The following WDR3 variants were observed in gnomAD, a reference collection of about 807,000 sequenced individuals.
WDR3 encodes the protein WD repeat domain 3, also known as WD repeat-containing protein 3.
In WDR3, 81 loss-of-function variants were observed where a neutral mutation model predicts 123.7. The ratio of observed to expected loss-of-function variants is 0.65; its 90% CI spans 0.55 to 0.79. The LOEUF is 0.79. Ranked by LOEUF, WDR3 falls within the 30% of genes least tolerant of loss-of-function variation. The pLI is 0.00. For synonymous variants in WDR3, 390 were observed against 388.8 expected (o/e 1.00, Z -0.04); for missense variants, 1,027 against 1,123.2 (o/e 0.91, Z 1.22).
Position 117,954,050 on chromosome 1 carries a change from C to T in WDR3, c.2312C>T (p.Thr771Ile), listed in dbSNP as rs1435463254. The T allele has an allele frequency of 1.2e-6, 2 of 1,612,036 alleles. No homozygotes were observed. The highest frequency in any genetic ancestry group is 2.2e-5 in the South Asian group (2 of 90,944). Reference sequence around the variant, plus strand: ...GCTATTGAGTTGTACCGAGAAGAAACTGCAAAAATGAAGGAACACAAAGCC... The same window carrying T: ...GCTATTGAGTTGTACCGAGAAGAAATTGCAAAAATGAAGGAACACAAAGCC... ...MEAIELYREETAKMKEHKAIC... is the reference protein window; with the variant it reads ...MEAIELYREEIAKMKEHKAIC... Residue 771 changes from threonine (T) to isoleucine (I), a missense_variant, in exon 22 of 27, where the codon ACT becomes ATT. Physicochemically the swap from Thr to Ile is moderately conservative, Grantham distance 89. Transcript: ENST00000349139.
In WDR3 at chr1:117,965,891, C is replaced by CCAAT; in HGVS notation, c.*6447_*6450dup. The CCAAT allele has an allele frequency of 6.6e-6, 1 of 152,312 alleles. No individual in the cohort carries two copies. Among genetic ancestry groups the CCAAT allele is most frequent in the East Asian group, 1.9e-4 (1 of 5,188 alleles). The allele number at this position is 152,312 out of a possible 1,614,324, so 9.4% of individuals were successfully genotyped here. ...AGCTTTTGGCAAGTTGAACTCCCTG[C>CCAAT]CAATCATCCCAAACACCTGGAGCTT... On this transcript the variant is annotated 3_prime_UTR_variant, in exon 27 of 27. Coordinates refer to ENST00000349139, the MANE Select transcript of WDR3 (RefSeq NM_006784.3).
chr1:117,939,421 A>G lies in WDR3; in HGVS notation c.580-56A>G, dbSNP rs776233953. The G allele has an allele frequency of 3.2e-6, 5 of 1,563,628 alleles. No individual in the cohort carries two copies. In the South Asian group the frequency reaches 5.6e-5, roughly 17 times the overall value. On this transcript the variant is annotated intron_variant, in intron 5 of 26. Coordinates refer to ENST00000349139, the MANE Select transcript of WDR3 (RefSeq NM_006784.3). ...TAACAGACTTTTGGAATGTCATATT[A>G]TGCTACCTGGAATCTCTTGAAAATC...
At chr1:117,954,162 T>C (rs556787707) in intron 22 of WDR3, 63 bp downstream of exon 22, 24 of 1,400,604 alleles carry the variant, frequency 1.7e-5, no homozygotes, top group Non-Finnish European at 2.4e-5. Flanking sequence ...GAAAAACCAT[T>C]GTTTTGGGAT....
chr1:117,948,479 G>A lies in WDR3; in HGVS notation c.1497G>A (p.Leu499=), dbSNP rs34411361. Residue 499 remains leucine, a synonymous_variant, in exon 13 of 27, where the codon TTG becomes TTA. Coordinates refer to ENST00000349139, the MANE Select transcript of WDR3 (RefSeq NM_006784.3). Reference sequence around the variant, plus strand: ...CAATAGATGCACATGATGGAGCTTTGTGGTCCATGTCCCTCTCTCCAGATC... The same window carrying A: ...CAATAGATGCACATGATGGAGCTTTATGGTCCATGTCCCTCTCTCCAGATC... ...LETIDAHDGA[L]WSMSLSPDQR... 0.025 allele frequency: 41,001 copies of A among 1,613,546 alleles called. 2,102 individuals are homozygous for A. Among genetic ancestry groups the A allele is most frequent in the African/African-American group, 0.17 (12,761 of 74,878 alleles).
intron 25 of WDR3, among the ~76,000 whole-genome samples, 177 bp from the exon 26 acceptor site, chr1:117,958,733 T>C (rs983937427): frequency 2.1e-4 from 32 of 151,912 alleles, no homozygotes; most frequent in Non-Finnish European, 2.1e-4. Flanking sequence ...TGTCATCAAA[T>C]TGAACTGAAT....
At chr1:117,954,198 A>G (rs1343571233) in intron 22 of WDR3, 99 bp downstream of exon 22, 10 of 964,264 alleles carry the variant, frequency 1.0e-5, no homozygotes, top group Non-Finnish European at 1.5e-5. Flanking sequence ...AGGATATGCA[A>G]TAAATGGAAT....
intron 8 of WDR3, 117 bp downstream of exon 8, chr1:117,941,342 A>G (rs1651164331): frequency 4.1e-6 from 4 of 972,228 alleles, no homozygotes; most frequent in Middle Eastern, 2.2e-4. Context: ...AATTCATTAT[A>G]TGGTACTGTG....
In WDR3 at chr1:117,959,876, T is replaced by TA. The variant is rs962387976; in HGVS notation, c.*431dup. 7 of 153,296 alleles carry TA rather than the reference T, an allele frequency of 4.6e-5. No individual in the cohort carries two copies. The highest frequency in any genetic ancestry group is 1.7e-4 in the African/African-American group (7 of 41,484). The allele number at this position is 153,296 out of a possible 1,614,324, so 9.5% of individuals were successfully genotyped here. On this transcript the variant is annotated 3_prime_UTR_variant, in exon 27 of 27. Transcript: ENST00000349139. ...CTGCCTATTGAGACAACCAGGTGCATAATTGATTGCCCTTTGGCCATAAAA... is the reference window on the plus strand; with the variant it reads ...CTGCCTATTGAGACAACCAGGTGCATAAATTGATTGCCCTTTGGCCATAAAA...
chr1:117,953,525 T>C lies in WDR3; in HGVS notation c.2252T>C (p.Ile751Thr), dbSNP rs1043373266. 6.2e-7 allele frequency: 1 copy of C among 1,612,646 alleles called. No individual in the cohort carries two copies. Among genetic ancestry groups the C allele is most frequent in the African/African-American group, 1.3e-5 (1 of 74,872 alleles). ...AGTTACTTTACTGGAAAGAAAACTA[T>C]TGAAACAGTGAAAGCAGTAAGTTGA... is the stretch of plus-strand genomic sequence containing the variant. Reference protein sequence around the residue: ...GDSYFTGKKTIETVKAAERIM... With the variant: ...GDSYFTGKKTTETVKAAERIM... The change falls in exon 21 of 27, where the codon ATT becomes ACT. Residue 751 changes from isoleucine to threonine, a missense_variant. Transcript: ENST00000349139.
rs753287436 is a variant in WDR3, at chr1:117,957,113, A to G, written c.2499A>G (p.Pro833=). The G allele has an allele frequency of 6.2e-7, 1 of 1,611,148 alleles. No individual in the cohort carries two copies. The highest frequency in any genetic ancestry group is 1.1e-5 in the South Asian group (1 of 90,436). ...TTGTGCTGCCTTTCTCTTATGTCCCAGACATTCTTAAACTCTTTAACGAAT... is the reference window on the plus strand; with the variant it reads ...TTGTGCTGCCTTTCTCTTATGTCCCGGACATTCTTAAACTCTTTAACGAAT... ...SLLVLPFSYV[P]DILKLFNEFI... The change falls in exon 25 of 27, where the codon CCA becomes CCG. Residue 833 remains proline, a synonymous_variant. Transcript: ENST00000349139.
chr1:117,952,824 A>G (rs1338358640), intron 19 of WDR3, 122 bp from the exon 20 acceptor site: 1 of 1,428,142 alleles, frequency 7.0e-7, no homozygotes, highest in African/African-American at 1.4e-5. Flanking sequence ...GAAGCTAGGC[A>G]GAGATAAAGA....
chr1:117,954,803 T>C (rs1463224728), intron 23 of WDR3, among the ~76,000 whole-genome samples, 176 bp downstream of exon 23: 1 of 152,126 alleles, frequency 6.6e-6, no homozygotes, highest in African/African-American at 2.4e-5. Context: ...AGGACCACTT[T>C]AGTGTGACTT....
chr1:117,934,432 G>T, intron 2 of WDR3, 41 bp from the exon 3 acceptor site: 1 of 1,598,896 alleles, frequency 6.3e-7, no homozygotes. Context: ...TTGAGTTCAT[G>T]CTTAACTCTT....
Position 117,958,993 on chromosome 1 carries a change from G to C in WDR3, c.2666G>C (p.Ser889Thr). Reference sequence around the variant, plus strand: ...AGGGAAACAACTATTTCAAAAGTCAGCCAAGTCCGGGTAAGTGTCTTTGTA... The same window carrying C: ...AGGGAAACAACTATTTCAAAAGTCACCCAAGTCCGGGTAAGTGTCTTTGTA... ...KLRETTISKV[S>T]QVRDVIGFNM... The change falls in exon 26 of 27, where the codon AGC becomes ACC. Residue 889 changes from serine to threonine, a missense_variant. Physicochemically the swap from Ser to Thr is moderately conservative, Grantham distance 58. Transcript: ENST00000349139. 2 of 1,613,826 alleles carry C rather than the reference G, an allele frequency of 1.2e-6. No homozygotes were observed. Among genetic ancestry groups the C allele is most frequent in the South Asian group, 2.2e-5 (2 of 91,050 alleles).
At chr1:117,933,646 A>G (rs1173423015) in intron 2 of WDR3, 156 bp downstream of exon 2, 2 of 913,910 alleles carry the variant, frequency 2.2e-6, no homozygotes, top group Non-Finnish European at 3.4e-6. Context: ...CTAGCCAAGC[A>G]TCAAGTTCCT....
intron 5 of WDR3, among the ~76,000 whole-genome samples, chr1:117,939,163 A>G (rs560663907): frequency 3.3e-4 from 50 of 152,370 alleles, no homozygotes; most frequent in African/African-American, 1.1e-3. Flanking sequence ...GCAAAGAAAT[A>G]GAAGACTTAA....
rs1333386682 is a variant in WDR3, at chr1:117,966,426, A to AT, written c.*6986dup. The AT allele has an allele frequency of 7.9e-6, 4 of 508,170 alleles. No individual in the cohort carries two copies. Among genetic ancestry groups the AT allele is most frequent in the South Asian group, 4.7e-5 (1 of 21,478 alleles). The allele number at this position is 508,170 out of a possible 1,614,324, so 31.5% of individuals were successfully genotyped here. On this transcript the variant is annotated 3_prime_UTR_variant, in exon 27 of 27. Transcript: ENST00000349139. ...ACTGCACATATACTATGTGTCAGGT[A>AT]TTTTTTTAGATTTGGCTAGGTGCTT...
intron 11 of WDR3, among the ~76,000 whole-genome samples, chr1:117,945,013 C>T (rs181497162): frequency 1.5e-4 from 23 of 152,180 alleles, no homozygotes; most frequent in Non-Finnish European, 1.5e-5. Flanking sequence ...TTTCGTATCC[C>T]ATATTCATCC....
intron 9 of WDR3, 76 bp from the exon 10 acceptor site, chr1:117,942,360 CA>C (rs1651199980): frequency 1.6e-6 from 2 of 1,236,228 alleles, no homozygotes; most frequent in Non-Finnish European, 2.3e-6. Context: ...GTCAAGGGGC[CA>C]GATTTTGAAC....
Sources: allele counts gnomAD v4.1 joint callset (sites outside exome capture counted in the v4.1 genomes callset), GRCh38; gene constraint gnomAD v4.1.1; transcripts MANE v1.5; gene names NCBI Gene and HGNC (gene_info 2026-07-23, HGNC 2026-07-21).